Variants in PRKG1 observed in about 807,000 individuals in gnomAD.
The protein encoded by PRKG1 is cGMP-dependent protein kinase 1.
A neutral mutation model predicts 88.1 loss-of-function variants in PRKG1; 35 were observed. That is an observed-to-expected ratio of 0.40 (90% CI 0.30 to 0.53). The LOEUF is 0.53. PRKG1 is among the 20% of genes least tolerant of loss of function. The probability of loss-of-function intolerance (pLI) is 0.59; values close to 1 mark genes in which losing one functional copy is unlikely to be tolerated. For synonymous variants in PRKG1, 303 were observed against 292.5 expected, an observed-to-expected ratio of 1.04 and a Z score of -0.37; for missense variants, 540 against 839.8, an observed-to-expected ratio of 0.64 and a Z score of 4.41.
At chr10:51,013,672 G>A (rs966570415) in intron 1 of PRKG1, among the ~76,000 whole-genome samples, 3 of 152,158 alleles carry the variant, frequency 2.0e-5, no homozygotes, top group Non-Finnish European at 4.4e-5. Flanking sequence ...TTACAGGTGT[G>A]AGCCACTGCG....
intron 3 of PRKG1, among the ~76,000 whole-genome samples, chr10:51,519,244 C>T (rs1003072819): frequency 6.6e-6 from 1 of 152,068 alleles, no homozygotes; most frequent in African/African-American, 2.4e-5. Context: ...GAACCAGGAA[C>T]CCAATGGTGA....
At chr10:52,252,663 T>G (rs1356164355) in intron 10 of PRKG1, 7 of 152,098 alleles carry the variant, frequency 4.6e-5, no homozygotes, top group African/African-American at 1.7e-4. Context: ...ATTTCTGACT[T>G]GAACAGGTAG....
At chr10:51,925,008 T>A (rs2132988346) in intron 5 of PRKG1, among the ~76,000 whole-genome samples, 1 of 152,110 alleles carries the variant, frequency 6.6e-6, no homozygotes, top group African/African-American at 2.4e-5. Context: ...TTTAAATTCC[T>A]TTTCTGATAG....
At chr10:52,203,888 C>G (rs1343338019) in intron 9 of PRKG1, among the ~76,000 whole-genome samples, 1 of 151,984 alleles carries the variant, frequency 6.6e-6, no homozygotes, top group Non-Finnish European at 1.5e-5. Context: ...TTCTCCATCC[C>G]TTTACTTTGA....
At chr10:51,392,885 G>A (rs293219) in intron 2 of PRKG1, among the ~76,000 whole-genome samples, 17 of 98,626 alleles carry the variant, frequency 1.7e-4, no homozygotes, top group South Asian at 5.9e-4. Flanking sequence ...CCTCCCAGAC[G>A]GGGCGGCTGG....
chr10:51,192,634 A>G (rs1045853358), intron 2 of PRKG1, among the ~76,000 whole-genome samples: 5 of 152,010 alleles, frequency 3.3e-5, no homozygotes, highest in African/African-American at 1.2e-4. Flanking sequence ...GAAAAAAACC[A>G]TGAGTATTTT....
chr10:52,272,051 C>T (rs16928710), intron 11 of PRKG1, among the ~76,000 whole-genome samples: 3,931 of 152,088 alleles, frequency 0.026, 287 homozygotes, highest in East Asian at 0.24. Flanking sequence ...CCACTTTATT[C>T]CCATTTTCAC....
chr10:51,497,522 A>G (rs999455298), intron 3 of PRKG1, among the ~76,000 whole-genome samples: 6 of 152,218 alleles, frequency 3.9e-5, no homozygotes, highest in African/African-American at 1.4e-4. Context: ...ATTAGAGAAG[A>G]GTGTGGTCGC....
At chr10:51,330,719 G>C (rs927402531) in intron 2 of PRKG1, among the ~76,000 whole-genome samples, 10 of 149,034 alleles carry the variant, frequency 6.7e-5, no homozygotes, top group Admixed American at 4.7e-4. Flanking sequence ...TGGTCACATT[G>C]ATTTCTTCAT....
intron 4 of PRKG1, among the ~76,000 whole-genome samples, chr10:51,885,964 G>T (rs775521531): frequency 5.3e-5 from 8 of 152,124 alleles, no homozygotes; most frequent in Non-Finnish European, 1.0e-4. Flanking sequence ...AAACCGCATG[G>T]TGCCATAAAA....
intron 2 of PRKG1, among the ~76,000 whole-genome samples, chr10:51,443,957 C>T (rs1445309472): frequency 6.7e-6 from 1 of 149,862 alleles, no homozygotes; most frequent in Admixed American, 6.7e-5. Context: ...AGAAGTGACT[C>T]GAATTTTATC....
Position 52,257,230 on chromosome 10 carries a change from G to A in PRKG1, c.1173+5564G>A, listed in dbSNP as rs150054235. Among the ~76,000 whole-genome samples, 6 of 139,530 alleles carry A rather than the reference G, an allele frequency of 4.3e-5. 2 individuals carry two copies. The highest frequency in any genetic ancestry group is 1.5e-4 in the African/African-American group (6 of 40,362). 91.5% of individuals were successfully genotyped at this position (139,530 alleles called of 152,430 possible). A position where few individuals can be genotyped will look rare whatever the true frequency, so the allele number is the denominator to read the frequency against. On this transcript the variant is annotated intron_variant, in intron 10 of 17. Transcript: ENST00000373980. ...GACAAGGAGGTGTATTTCACAGGGTGTGTCTGTTCATGACATCCATACCAC... is the reference window on the plus strand; with the variant it reads ...GACAAGGAGGTGTATTTCACAGGGTATGTCTGTTCATGACATCCATACCAC...
chr10:52,074,893 C>G (rs187507696), intron 7 of PRKG1, among the ~76,000 whole-genome samples: 103 of 152,276 alleles, frequency 6.8e-4, no homozygotes, highest in African/African-American at 2.2e-3. Context: ...GCATTTGCAA[C>G]TGTATTTGGC....
chr10:51,435,898 A>G (rs747031276), intron 2 of PRKG1, among the ~76,000 whole-genome samples: 4 of 152,126 alleles, frequency 2.6e-5, no homozygotes, highest in Non-Finnish European at 4.4e-5. Context: ...GGTCCCGAGT[A>G]TGTTATGCAG....
intron 9 of PRKG1, among the ~76,000 whole-genome samples, chr10:52,189,632 C>T (rs1454116248): frequency 6.6e-6 from 1 of 152,096 alleles, no homozygotes. Flanking sequence ...CCATTTATCC[C>T]ACCCTCAATC....
intron 3 of PRKG1, among the ~76,000 whole-genome samples, chr10:51,639,660 C>T (rs1403104267): frequency 4.6e-5 from 7 of 150,964 alleles, no homozygotes. Context: ...TTTTATGCCA[C>T]AGAATTCCAA....
intron 9 of PRKG1, among the ~76,000 whole-genome samples, chr10:52,233,744 C>T (rs1397861241): frequency 3.4e-5 from 5 of 149,150 alleles, no homozygotes; most frequent in Non-Finnish European, 4.5e-5. Flanking sequence ...GGGAGGGGCG[C>T]CCGCCATTGC....
intron 1 of PRKG1, among the ~76,000 whole-genome samples, chr10:50,992,673 G>C (rs1842794468): frequency 1.3e-5 from 2 of 152,212 alleles, no homozygotes; most frequent in South Asian, 4.2e-4. Flanking sequence ...AGGAGGCTGG[G>C]TGGATTTTGG....
At chr10:51,575,163 C>T (rs1188946856) in intron 3 of PRKG1, among the ~76,000 whole-genome samples, 3 of 151,892 alleles carry the variant, frequency 2.0e-5, no homozygotes, top group Non-Finnish European at 2.9e-5. Flanking sequence ...AAGCTGGGTT[C>T]CAGAAGTTTA....
Sources: gnomAD v4.1 joint callset for allele counts (sites outside exome capture counted in the v4.1 genomes callset) on GRCh38, gnomAD v4.1.1 for gene constraint, MANE v1.5 for transcripts, NCBI Gene and HGNC (gene_info 2026-07-23, HGNC 2026-07-21) for gene names.